Variants in KDM6A observed in about 807,000 individuals in gnomAD.
KDM6A encodes the protein lysine demethylase 6A, also known as lysine-specific demethylase 6A.
In KDM6A, 11 loss-of-function variants were observed where a neutral mutation model predicts 117.6. The observed-to-expected ratio is 0.09, with a 90% confidence interval of 0.06 to 0.15. The LOEUF is 0.15. Ranked by LOEUF, KDM6A falls within the 10% of genes least tolerant of loss-of-function variation. The probability of loss-of-function intolerance (pLI) is 1.00; values close to 1 mark genes in which losing one functional copy is unlikely to be tolerated. For synonymous variants in KDM6A, 384 were observed against 396.1 expected, an observed-to-expected ratio of 0.97 and a Z score of 0.36; for missense variants, 799 against 1,077.3, an observed-to-expected ratio of 0.74 and a Z score of 3.62.
At chrX:44,977,175 GTTTA>G (rs1207023229) in intron 4 of KDM6A, among the ~76,000 whole-genome samples, 1 of 111,590 alleles carries the variant, frequency 9.0e-6, no homozygotes, top group East Asian at 2.8e-4. Flanking sequence ...TTACTCCATA[GTTTA>G]TTTAATCAGG....
chrX:44,924,108 T>A (rs1407805843), intron 2 of KDM6A, among the ~76,000 whole-genome samples: 1 of 112,619 alleles, frequency 8.9e-6, no homozygotes, highest in Non-Finnish European at 1.9e-5. Context: ...TCCCTGTCTT[T>A]AACATGTTTA....
chrX:44,982,361 G>A (rs1426892571), intron 4 of KDM6A, among the ~76,000 whole-genome samples: 2 of 110,760 alleles, frequency 1.8e-5, no homozygotes, highest in Non-Finnish European at 3.8e-5. Flanking sequence ...TTTTATAAAG[G>A]GTTTGATAGA....
rs752906892 is a variant in KDM6A at position 44,974,733 on chromosome X, T to C, written c.384+18T>C. 8.8e-7 allele frequency: 1 copy of C among 1,137,973 alleles called. No individual in the cohort carries two copies. The highest frequency in any genetic ancestry group is 1.8e-5 in the South Asian group (1 of 55,339). 93.8% of individuals were successfully genotyped at this position (1,137,973 alleles called of 1,213,427 possible). A position where few individuals can be genotyped will look rare whatever the true frequency, so the allele number is the denominator to read the frequency against. On this transcript the variant is annotated intron_variant, in intron 4 of 29. Coordinates refer to ENST00000611820, the MANE Select transcript of KDM6A (RefSeq NM_001291415.2). The stretch of plus-strand genomic sequence containing the variant: ...ACTGGAAGGTTAGTGTACATTTGCA[T>C]GCTGATTTCATGTTTGTGTTTTGGG...
At chrX:44,896,075 ATT>A (rs34097389) in intron 2 of KDM6A, among the ~76,000 whole-genome samples, 5 of 99,389 alleles carry the variant, frequency 5.0e-5, no homozygotes, top group African/African-American at 3.7e-5. Flanking sequence ...TTAAAAATAA[ATT>A]TTTTTTTTTT....
chrX:44,886,137 A>G (rs1438374904), intron 2 of KDM6A, among the ~76,000 whole-genome samples: 1 of 108,912 alleles, frequency 9.2e-6, no homozygotes, highest in African/African-American at 3.4e-5. Context: ...GGCTCACTGC[A>G]GCCTTCATCT....
At chrX:44,931,585 C>G (rs1266612370) in intron 2 of KDM6A, among the ~76,000 whole-genome samples, 1 of 110,957 alleles carries the variant, frequency 9.0e-6, no homozygotes, top group East Asian at 2.8e-4. Context: ...GGACGTTATC[C>G]TAGATGAAAT....
intron 8 of KDM6A, among the ~76,000 whole-genome samples, chrX:45,044,146 G>A (rs1342314322): frequency 1.8e-5 from 2 of 112,137 alleles, no homozygotes; most frequent in Admixed American, 9.4e-5. Flanking sequence ...TTTGCACAAC[G>A]ATGAAATTGT....
chrX:45,024,699 G>C (rs1461408286), intron 6 of KDM6A, among the ~76,000 whole-genome samples: 1 of 110,878 alleles, frequency 9.0e-6, no homozygotes, highest in Non-Finnish European at 1.9e-5. Flanking sequence ...TGGATTCTTG[G>C]TCATGAACTC....
chrX:44,971,506 C>G (rs2039340423), intron 3 of KDM6A, among the ~76,000 whole-genome samples: 1 of 111,550 alleles, frequency 9.0e-6, no homozygotes, highest in Admixed American at 9.6e-5. Context: ...TATAGAGTTT[C>G]AGAAAACATT....
At chrX:45,016,624 T>C (rs2041982329) in intron 5 of KDM6A, among the ~76,000 whole-genome samples, 1 of 111,107 alleles carries the variant, frequency 9.0e-6, no homozygotes, top group South Asian at 3.7e-4. Context: ...CTCAGCCTCC[T>C]GAGTAGCTGG....
intron 4 of KDM6A, among the ~76,000 whole-genome samples, chrX:44,985,620 GTGT>G (rs2040175839): frequency 9.0e-6 from 1 of 111,437 alleles, no homozygotes; most frequent in South Asian, 3.7e-4. Context: ...TTAGCATGAA[GTGT>G]TGTTGAATTT....
At chrX:45,055,566 C>T (rs2044036541) in intron 10 of KDM6A, among the ~76,000 whole-genome samples, 2 of 111,279 alleles carry the variant, frequency 1.8e-5, no homozygotes, top group Non-Finnish European at 3.8e-5. Context: ...GTAGCAGAAA[C>T]TGGATTTTAT....
chrX:44,887,898 C>T (rs2033022803), intron 2 of KDM6A, among the ~76,000 whole-genome samples: 2 of 111,598 alleles, frequency 1.8e-5, no homozygotes, highest in South Asian at 7.5e-4. Context: ...GTTCCAGCTA[C>T]ATGGGAAAAC....
At chrX:44,980,554 C>T (rs1306007472) in intron 4 of KDM6A, among the ~76,000 whole-genome samples, 3 of 105,956 alleles carry the variant, frequency 2.8e-5, no homozygotes, top group Non-Finnish European at 5.8e-5. Flanking sequence ...ATATGTTTTA[C>T]GTTTGTTTTT....
At chrX:44,906,238 T>C (rs1461183258) in intron 2 of KDM6A, among the ~76,000 whole-genome samples, 1 of 110,851 alleles carries the variant, frequency 9.0e-6, no homozygotes, top group Admixed American at 9.6e-5. Context: ...GCAGCCACAC[T>C]CTCCCCGGAT....
chrX:45,066,368 G>A, intron 17 of KDM6A, among the ~76,000 whole-genome samples: 1 of 111,936 alleles, frequency 8.9e-6, no homozygotes, highest in Non-Finnish European at 1.9e-5. Context: ...AACAACAACC[G>A]GGTGTAGCTG....
Position 45,063,468 on chromosome X carries a change from A to C in KDM6A, c.1730A>C (p.Asn577Thr), listed in dbSNP as rs1359864920. 5 of 1,206,782 alleles carry C rather than the reference A, an allele frequency of 4.1e-6. No homozygotes were observed. In the Admixed American group the frequency reaches 1.1e-4, roughly 26 times the overall value. The change falls in exon 17 of 30, where the codon AAT becomes ACT. Residue 577 changes from asparagine (N) to threonine (T), a missense_variant. Physicochemically the swap from Asn to Thr is moderately conservative, Grantham distance 65. Coordinates refer to ENST00000611820, the MANE Select transcript of KDM6A (RefSeq NM_001291415.2). ...CAGGTACGATCTACTGGAATTCCTA[A>C]TGGGCCAACAGCTGACTCATCACTG... Reference protein sequence around the residue: ...VAQVRSTGIPNGPTADSSLPT... With the variant: ...VAQVRSTGIPTGPTADSSLPT...
chrX:44,966,285 G>A (rs949992182), intron 3 of KDM6A, among the ~76,000 whole-genome samples: 3 of 110,124 alleles, frequency 2.7e-5, no homozygotes, highest in Non-Finnish European at 5.7e-5. Flanking sequence ...GGAACTAGAG[G>A]TGCGCGCCAC....
At chrX:44,980,814 G>T (rs920270494) in intron 4 of KDM6A, among the ~76,000 whole-genome samples, 1 of 107,535 alleles carries the variant, frequency 9.3e-6, no homozygotes, top group East Asian at 2.9e-4. Context: ...TGTTCAACTG[G>T]CTAGGACCTC....
Sources: gnomAD v4.1 joint callset for allele counts (sites outside exome capture counted in the v4.1 genomes callset) on GRCh38, gnomAD v4.1.1 for gene constraint, MANE v1.5 for transcripts, NCBI Gene and HGNC (gene_info 2026-07-23, HGNC 2026-07-21) for gene names.